PES1: variants seen among roughly 807,000 people sequenced by gnomAD.
The protein encoded by PES1 is pescadillo homolog.
A neutral mutation model predicts 77.1 loss-of-function variants in PES1; 31 were observed. The observed-to-expected ratio is 0.40, with a 90% CI of 0.30 to 0.54. The LOEUF (loss-of-function observed/expected upper bound fraction) is 0.54. Ranked by LOEUF, PES1 falls within the 20% of genes least tolerant of loss-of-function variation. The probability of loss-of-function intolerance (pLI) is 0.45; values close to 1 mark genes in which losing one functional copy is unlikely to be tolerated. For missense variants in PES1, 658 were observed against 771.7 expected (o/e 0.85, Z 1.75); for synonymous variants, 282 against 303.0 (o/e 0.93, Z 0.72).
chr22:30,578,599 G>A (rs553197167), intron 14 of PES1, among the ~76,000 whole-genome samples: 13 of 152,342 alleles, frequency 8.5e-5, no homozygotes, highest in East Asian at 7.7e-4. Context: ...TCAGGAAGCC[G>A]GATGCGGGGT....
chr22:30,582,469 C>G (rs932973865), intron 6 of PES1, among the ~76,000 whole-genome samples: 1 of 152,220 alleles, frequency 6.6e-6, no homozygotes, highest in Non-Finnish European at 1.5e-5. Context: ...ACAGAAGGCT[C>G]ATCTTTGCCC....
intron 4 of PES1, among the ~76,000 whole-genome samples, chr22:30,586,229 G>A (rs2087087687): frequency 1.3e-5 from 2 of 152,162 alleles, no homozygotes; most frequent in African/African-American, 4.8e-5. Context: ...GCCACAGGCA[G>A]GACAGGAACT....
exon 1 of PES1, chr22:30,607,005 G>A (rs562557277): frequency 2.8e-4 from 169 of 613,362 alleles, no homozygotes; most frequent in Middle Eastern, 5.6e-4. Context: ...CGCTGGTCCC[G>A]GGCTCTTTAA....
At chr22:30,592,378 G>T, upstream of PES1, 1 of 988,306 alleles carries the variant, frequency 1.0e-6, no homozygotes, top group South Asian at 4.7e-5. Flanking sequence ...GGTTCTCTTT[G>T]GTTCATTCGC....
At chr22:30,589,489 T>G (rs908285570) in intron 1 of PES1, among the ~76,000 whole-genome samples, 1 of 152,168 alleles carries the variant, frequency 6.6e-6, no homozygotes, top group African/African-American at 2.4e-5. Context: ...ATCTGCATGA[T>G]GCTGAGGGCT....
intron 3 of PES1, 71 bp downstream of exon 3, chr22:30,587,950 A>T: frequency 6.6e-7 from 1 of 1,509,936 alleles, no homozygotes; most frequent in Non-Finnish European, 9.2e-7. Context: ...CAATCTGCCC[A>T]AGGTCACAGT....
chr22:30,596,983 G>A (rs111921397), intron 2 of PES1, among the ~76,000 whole-genome samples: 38 of 152,330 alleles, frequency 2.5e-4, no homozygotes, highest in African/African-American at 7.9e-4. Context: ...CGCTGGCCAC[G>A]GGCAGTGAGG....
At chr22:30,580,325 T>C (rs1569021331) in intron 10 of PES1, 147 bp from the exon 11 acceptor site, 1 of 1,143,014 alleles carries the variant, frequency 8.7e-7, no homozygotes, top group South Asian at 1.5e-5. Flanking sequence ...GATCCTTCAA[T>C]CCTGGCTCAG....
chr22:30,593,504 AG>A (rs139671943), upstream of PES1, among the ~76,000 whole-genome samples: 17 of 151,172 alleles, frequency 1.1e-4, no homozygotes, highest in Admixed American at 4.0e-4. Flanking sequence ...AAAAAAAAAA[AG>A]AAGAAGAAGG....
intron 1 of PES1, among the ~76,000 whole-genome samples, chr22:30,606,221 C>T (rs34471369): frequency 0.068 from 10,307 of 151,958 alleles, 449 homozygotes; most frequent in Middle Eastern, 0.11. Flanking sequence ...TCGATTCAAT[C>T]TCATTCTTTT....
chr22:30,591,905 A>C lies in PES1; in HGVS notation c.-72T>G, dbSNP rs2087185908. ...CACTTCCTCCCGCACGTGCCCTGCC[A>C]AGGACCCCGAGGACCCTCCCCACCC... On this transcript the variant is annotated 5_prime_UTR_variant, in exon 1 of 15. Coordinates refer to ENST00000354694, the MANE Select transcript of PES1 (RefSeq NM_014303.4). 1 of 1,514,600 alleles carries C rather than the reference A, an allele frequency of 6.6e-7. No homozygotes were observed. The highest frequency in any genetic ancestry group is 2.1e-5 in the Admixed American group (1 of 47,244). 93.8% of individuals were successfully genotyped at this position (1,514,600 alleles called of 1,614,324 possible).
upstream of PES1, among the ~76,000 whole-genome samples, chr22:30,595,874 GT>G (rs553377956): frequency 3.3e-3 from 497 of 152,294 alleles, 1 homozygote; most frequent in African/African-American, 0.011. Context: ...TATGCTAAGA[GT>G]ACTCTCAAAG....
chr22:30,595,726 C>T (rs559597736), upstream of PES1, among the ~76,000 whole-genome samples: 1 of 152,152 alleles, frequency 6.6e-6, no homozygotes, highest in East Asian at 1.9e-4. Flanking sequence ...CTTTGTCAAC[C>T]CTGGGTTTAA....
In PES1 at chr22:30,581,357, A is replaced by G. The variant is rs922669038; in HGVS notation, c.799T>C (p.Leu267=). Residue 267 remains leucine, a synonymous_variant, in exon 8 of 15, where the codon TTG becomes CTG. Coordinates refer to ENST00000354694, the MANE Select transcript of PES1 (RefSeq NM_014303.4). ...EAKAGEGTYA[L]DSESCMEKLA... is the part of the protein sequence containing the mutation. The stretch of plus-strand genomic sequence containing the variant: ...ACCTCCATACAACTCTCGGAGTCCA[A>G]CGCGTAGGTGCCCTCACCGGCCTTT... 1 of 1,613,826 alleles carries G rather than the reference A, an allele frequency of 6.2e-7. No homozygotes were observed. The highest frequency in any genetic ancestry group is 8.5e-7 in the Non-Finnish European group (1 of 1,180,022).
chr22:30,603,927 C>G (rs889591140), intron 2 of PES1: 2 of 152,120 alleles, frequency 1.3e-5, no homozygotes, highest in Non-Finnish European at 2.9e-5. Context: ...CTATAGTGAT[C>G]TGGCTGAACA....
At chr22:30,592,170 T>C, upstream of PES1, 1 of 1,114,600 alleles carries the variant, frequency 9.0e-7, no homozygotes, top group Non-Finnish European at 1.1e-6. Flanking sequence ...TCGTTGCATG[T>C]TGGGACGGAG....
Position 30,584,451 on chromosome 22 carries a change from A to G in PES1, c.544T>C (p.Phe182Leu). Reference protein sequence around the residue: ...IIAARALRKVFLSIKGIYYQA... With the variant: ...IIAARALRKVLLSIKGIYYQA... Reference sequence around the variant, plus strand: ...TAGTAAATGCCTTTGATGGACAGGAAGACCTAGGGGAGAGGAGGAGACATC... The same window carrying G: ...TAGTAAATGCCTTTGATGGACAGGAGGACCTAGGGGAGAGGAGGAGACATC... The change falls in exon 6 of 15, where the codon TTC (phenylalanine) becomes CTC (leucine). Residue 182 changes from phenylalanine (F) to leucine (L), a missense_variant. By Grantham distance (22) the Phe-to-Leu change is conservative. Transcript: ENST00000354694. 2 of 1,612,072 alleles carry G rather than the reference A, an allele frequency of 1.2e-6. No homozygotes were observed. The highest frequency in any genetic ancestry group is 2.2e-5 in the East Asian group (1 of 44,796).
At chr22:30,594,617 C>T (rs2087229076), upstream of PES1, among the ~76,000 whole-genome samples, 1 of 151,562 alleles carries the variant, frequency 6.6e-6, no homozygotes, top group East Asian at 1.9e-4. Context: ...AGTTCTAGAC[C>T]AGCCTGGGCA....
At chr22:30,596,873 G>A (rs1387475956), upstream of PES1, among the ~76,000 whole-genome samples, 1 of 152,212 alleles carries the variant, frequency 6.6e-6, no homozygotes, top group East Asian at 1.9e-4. Flanking sequence ...AGAGGCACGG[G>A]CAGGAACCAG....
Sources: gnomAD v4.1 joint callset for allele counts (sites outside exome capture counted in the v4.1 genomes callset) on GRCh38, gnomAD v4.1.1 for gene constraint, MANE v1.5 for transcripts, NCBI Gene and HGNC (gene_info 2026-07-23, HGNC 2026-07-21) for gene names.